Variants in TSPAN5 observed in about 807,000 individuals in gnomAD.
TSPAN5 encodes tetraspanin 5.
TSPAN5 carries 10 observed loss-of-function variants against 37.1 expected under a neutral mutation model. That is an observed-to-expected ratio of 0.27 (90% CI 0.17 to 0.46). TSPAN5 has a LOEUF of 0.46. TSPAN5 is among the 20% of genes least tolerant of loss of function. The probability of loss-of-function intolerance (pLI) is 1.00; values close to 1 mark genes in which losing one functional copy is unlikely to be tolerated. For synonymous variants in TSPAN5, 110 were observed against 118.9 expected (o/e 0.93, Z 0.48); for missense variants, 195 against 326.6 (o/e 0.60, Z 3.11).
At chr4:98,603,103 C>A (rs1338435544) in intron 1 of TSPAN5, among the ~76,000 whole-genome samples, 2 of 152,152 alleles carry the variant, frequency 1.3e-5, no homozygotes, top group East Asian at 1.9e-4. Context: ...TACCTTTGAA[C>A]TCAAAAATTC....
intron 1 of TSPAN5, among the ~76,000 whole-genome samples, chr4:98,541,709 A>AGAGG (rs1553912691): frequency 3.4e-5 from 5 of 147,572 alleles, no homozygotes. Context: ...AGAGAGAGAG[A>AGAGG]GAGAAGGAAA....
intron 1 of TSPAN5, among the ~76,000 whole-genome samples, chr4:98,517,759 G>C (rs1753767265): frequency 6.6e-6 from 1 of 152,106 alleles, no homozygotes; most frequent in African/African-American, 2.4e-5. Context: ...TCTTTTGGAT[G>C]GAAACATGGA....
chr4:98,538,934 C>T (rs1754297928), intron 1 of TSPAN5, among the ~76,000 whole-genome samples: 1 of 152,046 alleles, frequency 6.6e-6, no homozygotes, highest in Admixed American at 6.5e-5. Flanking sequence ...TCAAAAAAAG[C>T]TCTGCCGTGT....
At chr4:98,612,640 A>G (rs894663765) in intron 1 of TSPAN5, among the ~76,000 whole-genome samples, 1 of 152,186 alleles carries the variant, frequency 6.6e-6, no homozygotes, top group African/African-American at 2.4e-5. Flanking sequence ...CACAGAATAG[A>G]AACAGCAGGC....
intron 1 of TSPAN5, among the ~76,000 whole-genome samples, chr4:98,576,770 T>C (rs1210557563): frequency 6.6e-6 from 1 of 152,138 alleles, no homozygotes; most frequent in African/African-American, 2.4e-5. Flanking sequence ...ATTCTGTTTG[T>C]TTGTGTTGAG....
chr4:98,495,258 A>G (rs1029690843), intron 2 of TSPAN5, among the ~76,000 whole-genome samples: 1 of 152,188 alleles, frequency 6.6e-6, no homozygotes, highest in Non-Finnish European at 1.5e-5. Context: ...GGCCAGGCGC[A>G]GTGGCTCATG....
intron 1 of TSPAN5, among the ~76,000 whole-genome samples, chr4:98,550,669 G>A (rs932451123): frequency 2.0e-5 from 3 of 149,244 alleles, no homozygotes; most frequent in Admixed American, 2.0e-4. Context: ...TTTGGTCCTC[G>A]GCTAGATCAT....
intron 1 of TSPAN5, among the ~76,000 whole-genome samples, chr4:98,525,879 A>C (rs1010034899): frequency 6.6e-6 from 1 of 152,234 alleles, no homozygotes; most frequent in Non-Finnish European, 1.5e-5. Flanking sequence ...GATGATCTTA[A>C]GTGAGGACTT....
chr4:98,572,904 A>G (rs1176710129), intron 1 of TSPAN5, among the ~76,000 whole-genome samples: 1 of 152,246 alleles, frequency 6.6e-6, no homozygotes, highest in African/African-American at 2.4e-5. Flanking sequence ...TCACAATCAC[A>G]GTGATTTGTT....
intron 1 of TSPAN5, among the ~76,000 whole-genome samples, chr4:98,524,274 G>C (rs1359922904): frequency 6.6e-6 from 1 of 152,202 alleles, no homozygotes; most frequent in Non-Finnish European, 1.5e-5. Flanking sequence ...ATTTAAAGCT[G>C]TTTAACCAGA....
intron 1 of TSPAN5, among the ~76,000 whole-genome samples, chr4:98,640,556 G>A (rs529324055): frequency 2.6e-5 from 4 of 152,326 alleles, no homozygotes; most frequent in South Asian, 2.1e-4. Flanking sequence ...AGGAATGGAC[G>A]TGGTGGACAG....
At chr4:98,537,353 G>A (rs1754259523) in intron 1 of TSPAN5, among the ~76,000 whole-genome samples, 1 of 152,002 alleles carries the variant, frequency 6.6e-6, no homozygotes, top group African/African-American at 2.4e-5. Flanking sequence ...GAGATGAACC[G>A]GGCACCTCAG....
At position 98,647,898 on chromosome 4, in the gene TSPAN5, G is replaced by C. The variant is rs139849593; in HGVS notation, c.81+10248C>G. On this transcript the variant is annotated intron_variant, in intron 1 of 7. Coordinates refer to ENST00000305798, the MANE Select transcript of TSPAN5 (RefSeq NM_005723.4). ...AAAAAAAGGAGTGGTGTTAGACCCA[G>C]TAAAACAGCTCAGAGAAATAATACA... Among the ~76,000 whole-genome samples, 437 of 150,648 alleles carry C rather than the reference G, an allele frequency of 2.9e-3. 3 individuals are homozygous for C. Among genetic ancestry groups the C allele is most frequent in the African/African-American group, 0.01 (417 of 41,018 alleles).
rs192834034 is a variant in TSPAN5 at position 98,578,906 on chromosome 4, C to T, written c.82-71178G>A. The stretch of plus-strand genomic sequence containing the variant: ...CCTCCCTAAAGCACACCTCCCACTA[C>T]ACATGCCAACTGAAAGCTTCTATAG... On this transcript the variant is annotated intron_variant, in intron 1 of 7. Transcript: ENST00000305798. Among the ~76,000 whole-genome samples, 269 of 152,278 alleles carry T rather than the reference C, an allele frequency of 1.8e-3. 2 individuals carry two copies. The highest frequency in any genetic ancestry group is 6.1e-3 in the African/African-American group (255 of 41,542).
intron 1 of TSPAN5, among the ~76,000 whole-genome samples, chr4:98,619,320 G>A (rs1756426897): frequency 6.6e-6 from 1 of 152,164 alleles, no homozygotes; most frequent in Non-Finnish European, 1.5e-5. Flanking sequence ...ATCTCGTGCA[G>A]TATCAATATT....
chr4:98,527,980 C>A (rs1452309225), intron 1 of TSPAN5, among the ~76,000 whole-genome samples: 1 of 152,316 alleles, frequency 6.6e-6, no homozygotes, highest in African/African-American at 2.4e-5. Flanking sequence ...TTCTTCCTCT[C>A]TTTTCTGTTG....
In TSPAN5 at chr4:98,637,237, C is replaced by G. The variant is rs1460457077; in HGVS notation, c.81+20909G>C. ...TGATGCACACAGCACTGCCACACTGCACAACTCCAGGGAGCATCACGCACA... is the reference window on the plus strand; with the variant it reads ...TGATGCACACAGCACTGCCACACTGGACAACTCCAGGGAGCATCACGCACA... On this transcript the variant is annotated intron_variant, in intron 1 of 7. Coordinates refer to ENST00000305798, the MANE Select transcript of TSPAN5 (RefSeq NM_005723.4). 3.3e-5 allele frequency among the ~76,000 whole-genome samples: 5 copies of G among 152,214 alleles called. No individual in the cohort carries two copies. The East Asian group carries it at 9.6e-4, about 29-fold the overall frequency.
intron 1 of TSPAN5, among the ~76,000 whole-genome samples, chr4:98,563,988 A>T (rs1578995261): frequency 6.6e-6 from 1 of 150,378 alleles, no homozygotes; most frequent in Non-Finnish European, 1.5e-5. Context: ...GTGCTAAATC[A>T]TAAGCTCCTT....
chr4:98,561,165 C>T (rs925938020), intron 1 of TSPAN5, among the ~76,000 whole-genome samples: 1 of 152,164 alleles, frequency 6.6e-6, no homozygotes, highest in African/African-American at 2.4e-5. Context: ...CAAATATATC[C>T]ACTCCATGCT....
Sources: gnomAD v4.1 joint callset for allele counts (sites outside exome capture counted in the v4.1 genomes callset) on GRCh38, gnomAD v4.1.1 for gene constraint, MANE v1.5 for transcripts, NCBI Gene and HGNC (gene_info 2026-07-23, HGNC 2026-07-21) for gene names.